CSMD1: variants seen among roughly 807,000 people sequenced by gnomAD.
CSMD1 encodes the protein CUB and Sushi multiple domains 1, also known as CUB and sushi domain-containing protein 1.
A neutral mutation model predicts 417.5 loss-of-function variants in CSMD1; 213 were observed. The observed-to-expected ratio is 0.51, with a 90% CI of 0.46 to 0.57. The LOEUF (loss-of-function observed/expected upper bound fraction) is 0.57. CSMD1 is among the 20% of genes least tolerant of loss of function. The pLI is 0.00. For missense variants in CSMD1, 6,923 were observed against 4,529.7 expected (o/e 1.53, Z -15.17); for synonymous variants, 2,862 against 1,736.8 (o/e 1.65, Z -16.11).
chr8:4,789,534 T>G (rs902719872), intron 1 of CSMD1, among the ~76,000 whole-genome samples: 1 of 152,192 alleles, frequency 6.6e-6, no homozygotes, highest in Non-Finnish European at 1.5e-5. Flanking sequence ...ACTGTGCATC[T>G]ACCTGGGATC....
chr8:4,364,223 G>A (rs924194022), intron 3 of CSMD1, among the ~76,000 whole-genome samples: 2 of 152,106 alleles, frequency 1.3e-5, no homozygotes, highest in South Asian at 2.1e-4. Context: ...AAAATAAGTA[G>A]TTAATTAACA....
rs150852246 is a variant in CSMD1, at chr8:3,093,187, A to T, written c.7139-1525T>A. On this transcript the variant is annotated intron_variant, in intron 47 of 69. Transcript: ENST00000635120. ...GTCCCTAAAGACATAACTAAGGTTA[A>T]ACGAGGTAGTATGGGTGGGTCCTGA... Among the ~76,000 whole-genome samples the T allele has an allele frequency of 7.1e-3, 1,081 of 152,284 alleles. 13 individuals are homozygous for T. Among genetic ancestry groups the T allele is most frequent in the Non-Finnish European group, 0.012 (804 of 68,018 alleles).
intron 3 of CSMD1, among the ~76,000 whole-genome samples, chr8:4,209,027 T>C (rs1700073): frequency 0.26 from 39,614 of 152,036 alleles, 5,692 homozygotes; most frequent in African/African-American, 0.38. Context: ...TGAATCCAAT[T>C]GTATTCTCTC....
intron 1 of CSMD1, among the ~76,000 whole-genome samples, chr8:4,707,525 A>C (rs1305136389): frequency 2.6e-5 from 4 of 152,128 alleles, no homozygotes; most frequent in African/African-American, 9.7e-5. Context: ...TGAACAGTTA[A>C]ATGGAGAGGC....
intron 7 of CSMD1, among the ~76,000 whole-genome samples, chr8:3,628,247 A>G (rs962690395): frequency 6.6e-6 from 1 of 152,136 alleles, no homozygotes; most frequent in African/African-American, 2.4e-5. Flanking sequence ...TACAATGAGA[A>G]TAGTTCTTTC....
chr8:2,936,426 G>A lies in CSMD1; in HGVS notation c.*2159C>T, dbSNP rs934092579. 2.6e-5 allele frequency: 4 copies of A among 151,316 alleles called. No individual in the cohort carries two copies. The highest frequency in any genetic ancestry group is 9.7e-5 in the African/African-American group (4 of 41,168). 9.4% of individuals were successfully genotyped at this position (151,316 alleles called of 1,614,324 possible). ...ATACACTAATATGTATAGTAACCCT[G>A]TTCTCCCTTGCACACGAGCCTCCTC... On this transcript the variant is annotated 3_prime_UTR_variant, in exon 70 of 70. Transcript: ENST00000635120.
chr8:4,018,513 C>T (rs1485200242), intron 4 of CSMD1, among the ~76,000 whole-genome samples: 2 of 152,100 alleles, frequency 1.3e-5, no homozygotes, highest in African/African-American at 4.8e-5. Flanking sequence ...AGCCAAAGCC[C>T]AGCAGCTTCC....
At chr8:3,379,713 G>C (rs1810516434) in intron 18 of CSMD1, among the ~76,000 whole-genome samples, 1 of 152,040 alleles carries the variant, frequency 6.6e-6, no homozygotes, top group Non-Finnish European at 1.5e-5. Context: ...AACTGAAACT[G>C]GACCCCTTCC....
chr8:3,363,685 G>C (rs1007267450), intron 20 of CSMD1, among the ~76,000 whole-genome samples: 2 of 152,088 alleles, frequency 1.3e-5, no homozygotes, highest in Non-Finnish European at 2.9e-5. Context: ...CTGCCACCAA[G>C]GCTTTTGAAT....
intron 1 of CSMD1, among the ~76,000 whole-genome samples, chr8:4,832,166 A>T (rs530771998): frequency 6.6e-6 from 1 of 152,352 alleles, no homozygotes; most frequent in South Asian, 2.1e-4. Context: ...ACACTCACGT[A>T]CATCAGCAAA....
intron 3 of CSMD1, among the ~76,000 whole-genome samples, chr8:4,254,974 A>C (rs913434649): frequency 1.3e-5 from 2 of 152,344 alleles, no homozygotes; most frequent in Non-Finnish European, 2.9e-5. Flanking sequence ...CATCGACTTT[A>C]ACAGAGCACT....
At chr8:3,196,573 C>A (rs1796714107) in intron 33 of CSMD1, among the ~76,000 whole-genome samples, 1 of 152,148 alleles carries the variant, frequency 6.6e-6, no homozygotes, top group African/African-American at 2.4e-5. Flanking sequence ...AATTAGATTT[C>A]TTTTCATGCC....
intron 3 of CSMD1, among the ~76,000 whole-genome samples, chr8:4,203,743 C>T (rs995021719): frequency 6.6e-5 from 10 of 152,064 alleles, no homozygotes; most frequent in African/African-American, 2.2e-4. Flanking sequence ...TGTACACGCA[C>T]ATATACATAT....
intron 2 of CSMD1, among the ~76,000 whole-genome samples, chr8:4,501,067 A>C (rs907561944): frequency 6.6e-6 from 1 of 152,160 alleles, no homozygotes; most frequent in East Asian, 1.9e-4. Flanking sequence ...GGGCCAAAAA[A>C]GATATAATAA....
At chr8:3,001,135 T>C (rs986176902) in intron 52 of CSMD1, among the ~76,000 whole-genome samples, 5 of 152,042 alleles carry the variant, frequency 3.3e-5, no homozygotes, top group Non-Finnish European at 7.4e-5. Context: ...CCATGGTACA[T>C]GCTGCCATGC....
intron 6 of CSMD1, among the ~76,000 whole-genome samples, chr8:3,725,990 G>A (rs118015779): frequency 0.049 from 7,410 of 152,202 alleles, 217 homozygotes; most frequent in Middle Eastern, 0.11. Flanking sequence ...GTGTGACTAC[G>A]GAGACCGGGT....
chr8:4,957,261 G>C (rs1023266780), intron 1 of CSMD1, among the ~76,000 whole-genome samples: 3 of 152,260 alleles, frequency 2.0e-5, no homozygotes, highest in South Asian at 2.1e-4. Context: ...GAATCCTGGA[G>C]TCAGGCTTGA....
At chr8:3,878,084 G>T (rs529041676) in intron 5 of CSMD1, among the ~76,000 whole-genome samples, 1 of 152,038 alleles carries the variant, frequency 6.6e-6, no homozygotes, top group South Asian at 2.1e-4. Flanking sequence ...TTGAACATTT[G>T]CTATCAGCTT....
At chr8:4,311,370 G>A (rs1314375344) in intron 3 of CSMD1, among the ~76,000 whole-genome samples, 4 of 152,130 alleles carry the variant, frequency 2.6e-5, no homozygotes, top group African/African-American at 4.8e-5. Flanking sequence ...GGAGCTGGAG[G>A]CCATTATTCT....
Sources: allele counts gnomAD v4.1 joint callset (sites outside exome capture counted in the v4.1 genomes callset), GRCh38; gene constraint gnomAD v4.1.1; transcripts MANE v1.5; gene names NCBI Gene and HGNC (gene_info 2026-07-23, HGNC 2026-07-21).